Variants in PXDNL observed in about 807,000 individuals in gnomAD.
PXDNL encodes probable oxidoreductase PXDNL.
A neutral mutation model predicts 150.8 loss-of-function variants in PXDNL; 145 were observed. The observed-to-expected ratio is 0.96, with a 90% CI of 0.84 to 1.10. The LOEUF is 1.10. Ranked by LOEUF, PXDNL falls within the 50% of genes least tolerant of loss-of-function variation. PXDNL has a pLI of 0.00. For synonymous variants in PXDNL, 757 were observed against 725.7 expected, an observed-to-expected ratio of 1.04 and a Z score of -0.69; for missense variants, 2,087 against 1,873.9, an observed-to-expected ratio of 1.11 and a Z score of -2.10.
At chr8:51,421,279 C>T (rs1808943450) in intron 14 of PXDNL, among the ~76,000 whole-genome samples, 1 of 152,176 alleles carries the variant, frequency 6.6e-6, no homozygotes, top group African/African-American at 2.4e-5. Context: ...CCACAGGTCT[C>T]ATAAATAGTT....
chr8:51,807,938 T>G (rs2037694718), intron 1 of PXDNL, among the ~76,000 whole-genome samples: 1 of 152,240 alleles, frequency 6.6e-6, no homozygotes, highest in Non-Finnish European at 1.5e-5. Context: ...AGAACTGTGC[T>G]GTCCACATAG....
At position 51,447,012 on chromosome 8, in the gene PXDNL, T is replaced by G; in HGVS notation, c.1517A>C (p.Lys506Thr). The change falls in exon 12 of 23, where the codon AAA becomes ACA. Residue 506 changes from lysine (K) to threonine (T), a missense_variant. Physicochemically the swap from Lys to Thr is moderately conservative, Grantham distance 78. Transcript: ENST00000356297. Reference sequence around the variant, plus strand: ...ATCACAGTATATATTACCTTTGGGTTTTACAGTCAGCTGCACAGACACCTT... The same window carrying G: ...ATCACAGTATATATTACCTTTGGGTGTTACAGTCAGCTGCACAGACACCTT... ...VKKVSVQLTV[K>T]PKALAVFTQL... 6.2e-7 allele frequency: 1 copy of G among 1,613,826 alleles called. No individual in the cohort carries two copies. The highest frequency in any genetic ancestry group is 8.5e-7 in the Non-Finnish European group (1 of 1,179,846).
chr8:51,696,673 A>G (rs1002189712), intron 1 of PXDNL, among the ~76,000 whole-genome samples: 5 of 85,092 alleles, frequency 5.9e-5, no homozygotes, highest in African/African-American at 8.5e-5. Flanking sequence ...ACAGGTCCAC[A>G]CACATCCACA....
intron 1 of PXDNL, among the ~76,000 whole-genome samples, chr8:51,805,273 A>G (rs2037663033): frequency 6.6e-6 from 1 of 151,486 alleles, no homozygotes. Flanking sequence ...ATTTTGTAAC[A>G]AAGGTAAAAG....
intron 3 of PXDNL, among the ~76,000 whole-genome samples, chr8:51,571,838 G>A (rs1336352410): frequency 6.6e-6 from 1 of 151,802 alleles, no homozygotes; most frequent in East Asian, 1.9e-4. Flanking sequence ...GAAATATTTT[G>A]TAAGACAGTA....
At chr8:51,508,315 G>A (rs554624576) in intron 4 of PXDNL, among the ~76,000 whole-genome samples, 3 of 152,326 alleles carry the variant, frequency 2.0e-5, no homozygotes, top group South Asian at 2.1e-4. Context: ...GAGAAATGTA[G>A]AAAAGAAAAA....
chr8:51,469,932 A>G (rs938363976), intron 8 of PXDNL, among the ~76,000 whole-genome samples: 1 of 151,926 alleles, frequency 6.6e-6, no homozygotes, highest in South Asian at 2.1e-4. Flanking sequence ...TCTTTATTCT[A>G]TTCTTTCTTT....
chr8:51,665,844 A>C (rs1815373871), intron 1 of PXDNL, among the ~76,000 whole-genome samples: 2 of 152,192 alleles, frequency 1.3e-5, no homozygotes, highest in Admixed American at 1.3e-4. Flanking sequence ...AGATCTCCAT[A>C]CACCAACCAT....
chr8:51,705,832 TGCGCGCGCGCGC>T (rs10589855), intron 1 of PXDNL, among the ~76,000 whole-genome samples: 3 of 149,606 alleles, frequency 2.0e-5, no homozygotes, highest in East Asian at 2.0e-4. Context: ...TGTGTGTGTG[TGCGCGCGCGCGC>T]GCGCGCGCGT....
At chr8:51,808,254 C>T (rs2037699159) in intron 1 of PXDNL, among the ~76,000 whole-genome samples, 1 of 152,152 alleles carries the variant, frequency 6.6e-6, no homozygotes, top group African/African-American at 2.4e-5. Flanking sequence ...GTTTTGTCTT[C>T]CATGAACATG....
At chr8:51,618,515 T>C (rs934897064) in intron 2 of PXDNL, among the ~76,000 whole-genome samples, 3 of 152,192 alleles carry the variant, frequency 2.0e-5, no homozygotes, top group Admixed American at 6.5e-5. Flanking sequence ...GGTTCATGTT[T>C]TAGCTCTCCT....
intron 2 of PXDNL, among the ~76,000 whole-genome samples, chr8:51,650,413 G>T (rs1000193451): frequency 2.6e-5 from 4 of 152,132 alleles, no homozygotes; most frequent in Non-Finnish European, 5.9e-5. Flanking sequence ...TTGAAAAATA[G>T]ACAAGACCAC....
intron 2 of PXDNL, among the ~76,000 whole-genome samples, chr8:51,598,105 G>A (rs76400508): frequency 0.025 from 3,784 of 152,174 alleles, 168 homozygotes; most frequent in African/African-American, 0.086. Context: ...TTTGTATCCT[G>A]AACTTTGTTA....
At chr8:51,356,139 G>T (rs1421273436) in intron 19 of PXDNL, among the ~76,000 whole-genome samples, 35 of 152,112 alleles carry the variant, frequency 2.3e-4, no homozygotes, top group Admixed American at 2.3e-3. Context: ...TGAAGTGTTG[G>T]TTTTTTTGGT....
At chr8:51,361,228 C>A (rs932653999) in intron 19 of PXDNL, among the ~76,000 whole-genome samples, 1 of 152,174 alleles carries the variant, frequency 6.6e-6, no homozygotes, top group Non-Finnish European at 1.5e-5. Context: ...GATGCAGAAT[C>A]ACGTTGGATC....
At chr8:51,490,660 A>G (rs1309735743) in intron 5 of PXDNL, among the ~76,000 whole-genome samples, 3 of 149,722 alleles carry the variant, frequency 2.0e-5, no homozygotes, top group South Asian at 2.1e-4. Flanking sequence ...ATATATACAC[A>G]TATATACATA....
chr8:51,471,985 C>A (rs1157270013), intron 8 of PXDNL, among the ~76,000 whole-genome samples: 2 of 152,016 alleles, frequency 1.3e-5, no homozygotes, highest in East Asian at 1.9e-4. Flanking sequence ...CCACCGCGCC[C>A]GGCCGGAAAT....
At chr8:51,733,867 A>G (rs1244795749) in intron 1 of PXDNL, among the ~76,000 whole-genome samples, 3 of 147,488 alleles carry the variant, frequency 2.0e-5, no homozygotes, top group Non-Finnish European at 4.5e-5. Flanking sequence ...GATATATGAT[A>G]TATTTTATAT....
At chr8:51,436,694 A>G (rs1809415336) in intron 12 of PXDNL, among the ~76,000 whole-genome samples, 1 of 152,202 alleles carries the variant, frequency 6.6e-6, no homozygotes, top group Non-Finnish European at 1.5e-5. Flanking sequence ...AACCTCTGGG[A>G]TAAAGCAAAC....
Sources: allele counts gnomAD v4.1 joint callset (sites outside exome capture counted in the v4.1 genomes callset), GRCh38; gene constraint gnomAD v4.1.1; transcripts MANE v1.5; gene names NCBI Gene and HGNC (gene_info 2026-07-23, HGNC 2026-07-21).